Variants in CACNA2D3 observed in about 807,000 individuals in gnomAD.
CACNA2D3 encodes voltage-dependent calcium channel subunit alpha-2/delta-3.
CACNA2D3 carries 60 observed loss-of-function variants against 160.6 expected under a neutral mutation model. That is an observed-to-expected ratio of 0.37 (90% CI 0.30 to 0.46). CACNA2D3 has a LOEUF of 0.46. Among genes scored for constraint, CACNA2D3 ranks in the 20% least tolerant of loss-of-function variants. The pLI is 1.00. For missense variants in CACNA2D3, 1,205 were observed against 1,365.0 expected, an observed-to-expected ratio of 0.88 and a Z score of 1.85; for synonymous variants, 558 against 492.9, an observed-to-expected ratio of 1.13 and a Z score of -1.75.
chr3:55,033,859 ATT>A (rs1272939454), intron 35 of CACNA2D3, among the ~76,000 whole-genome samples: 2 of 111,892 alleles, frequency 1.8e-5, no homozygotes, highest in Non-Finnish European at 3.6e-5. Flanking sequence ...TATTAAATAT[ATT>A]TAATATATAA....
At chr3:54,567,363 T>G (rs1292345341) in intron 6 of CACNA2D3, among the ~76,000 whole-genome samples, 2 of 152,116 alleles carry the variant, frequency 1.3e-5, no homozygotes, top group African/African-American at 4.8e-5. Flanking sequence ...GAGGAAGGAA[T>G]TGGGCAGAAC....
chr3:54,356,049 A>G (rs966189155), intron 3 of CACNA2D3, among the ~76,000 whole-genome samples: 1 of 146,858 alleles, frequency 6.8e-6, no homozygotes, highest in Non-Finnish European at 1.5e-5. Flanking sequence ...ATTTTCTTAC[A>G]AATTGCAGAC....
rs573035681 is a variant in CACNA2D3, at chr3:54,438,867, G to A, written c.381+52093G>A. ...TTAATCTGCCATTTTTACTTTGGTA[G>A]AATATACATTTTGTTTTAGTTTTCT... On this transcript the variant is annotated intron_variant, in intron 4 of 37. Coordinates refer to ENST00000474759, the MANE Select transcript of CACNA2D3 (RefSeq NM_018398.3). Among the ~76,000 whole-genome samples, 21 of 152,292 alleles carry A rather than the reference G, an allele frequency of 1.4e-4. No homozygotes were observed. The South Asian group carries it at 4.4e-3, about 32-fold the overall frequency.
At chr3:54,998,963 G>A (rs986857799) in intron 31 of CACNA2D3, among the ~76,000 whole-genome samples, 8 of 151,976 alleles carry the variant, frequency 5.3e-5, no homozygotes, top group Non-Finnish European at 7.4e-5. Context: ...AGCCAGGATG[G>A]TCTCGATCTC....
intron 4 of CACNA2D3, among the ~76,000 whole-genome samples, chr3:54,479,670 G>A (rs954462834): frequency 6.6e-6 from 1 of 152,108 alleles, no homozygotes; most frequent in Admixed American, 6.5e-5. Flanking sequence ...CTACACATTA[G>A]TCTGTGTGTC....
rs910629997 is a variant in CACNA2D3, at chr3:54,824,763, G to A, written c.1398+7893G>A. Among the ~76,000 whole-genome samples the A allele has an allele frequency of 3.9e-5, 6 of 152,194 alleles. No homozygotes were observed. In the Middle Eastern group the frequency reaches 0.014, roughly 345 times the overall value. On this transcript the variant is annotated intron_variant, in intron 14 of 37. Transcript: ENST00000474759. ...CAGCACCTGCTCAGGGCCCATCCAC[G>A]CCACATGCTCAATGAGGGGTAGTGT...
At chr3:54,943,745 C>A (rs1297786783) in intron 27 of CACNA2D3, among the ~76,000 whole-genome samples, 1 of 152,016 alleles carries the variant, frequency 6.6e-6, no homozygotes, top group Non-Finnish European at 1.5e-5. Flanking sequence ...GGTGAGATCT[C>A]CCTCTCTGTG....
chr3:54,607,427 T>G (rs1698654888), intron 9 of CACNA2D3, among the ~76,000 whole-genome samples: 1 of 152,114 alleles, frequency 6.6e-6, no homozygotes, highest in South Asian at 2.1e-4. Flanking sequence ...GTTCAAGTGA[T>G]TCTCCTGCCG....
chr3:54,286,577 A>C (rs956390700), intron 2 of CACNA2D3, among the ~76,000 whole-genome samples: 1 of 152,188 alleles, frequency 6.6e-6, no homozygotes, highest in African/African-American at 2.4e-5. Flanking sequence ...AAATACAGAG[A>C]ACGCCACAAA....
intron 27 of CACNA2D3, among the ~76,000 whole-genome samples, chr3:54,962,830 A>G (rs1012463493): frequency 6.6e-6 from 1 of 152,232 alleles, no homozygotes; most frequent in African/African-American, 2.4e-5. Context: ...TGTGCCAGGC[A>G]TAGTGAGCAC....
At chr3:54,182,355 T>TAAG (rs749002634) in intron 2 of CACNA2D3, among the ~76,000 whole-genome samples, 3 of 152,232 alleles carry the variant, frequency 2.0e-5, no homozygotes, top group Non-Finnish European at 4.4e-5. Context: ...ATAAATATTG[T>TAAG]CACCCTTTAT....
At chr3:54,620,762 A>G (rs117603905) in intron 9 of CACNA2D3, among the ~76,000 whole-genome samples, 57 of 152,272 alleles carry the variant, frequency 3.7e-4, no homozygotes, top group East Asian at 7.7e-4. Context: ...AAGGGGCCCT[A>G]TTGCACAGGG....
intron 9 of CACNA2D3, among the ~76,000 whole-genome samples, chr3:54,604,377 T>G (rs1282088692): frequency 6.6e-6 from 1 of 152,198 alleles, no homozygotes; most frequent in East Asian, 1.9e-4. Context: ...GCACTCACAC[T>G]GCCAACCCTG....
chr3:54,134,507 A>C (rs1424756464), intron 2 of CACNA2D3, among the ~76,000 whole-genome samples: 2 of 152,198 alleles, frequency 1.3e-5, no homozygotes, highest in Non-Finnish European at 2.9e-5. Flanking sequence ...AGTGATGGAA[A>C]TAAGAGCACC....
chr3:54,139,988 C>T (rs1211148018), intron 2 of CACNA2D3, among the ~76,000 whole-genome samples: 2 of 152,178 alleles, frequency 1.3e-5, no homozygotes, highest in Non-Finnish European at 2.9e-5. Flanking sequence ...CCTGGCTCCA[C>T]CAGTGGCTTA....
chr3:55,056,361 T>C (rs184224479), intron 35 of CACNA2D3, among the ~76,000 whole-genome samples: 1 of 152,212 alleles, frequency 6.6e-6, no homozygotes, highest in Non-Finnish European at 1.5e-5. Context: ...TTGGTGGGAA[T>C]GTAAATTAGT....
chr3:54,767,683 AATG>A (rs980035021), intron 13 of CACNA2D3, among the ~76,000 whole-genome samples: 1 of 152,084 alleles, frequency 6.6e-6, no homozygotes, highest in African/African-American at 2.4e-5. Flanking sequence ...AAATAATAAT[AATG>A]ATGATGACAA....
intron 3 of CACNA2D3, among the ~76,000 whole-genome samples, chr3:54,357,551 C>G (rs1698670782): frequency 6.6e-6 from 1 of 152,140 alleles, no homozygotes; most frequent in African/African-American, 2.4e-5. Flanking sequence ...ACCATATGAT[C>G]CAGCAATTGA....
chr3:54,633,233 T>C (rs1480039795), intron 10 of CACNA2D3, among the ~76,000 whole-genome samples: 1 of 152,204 alleles, frequency 6.6e-6, no homozygotes, highest in Non-Finnish European at 1.5e-5. Context: ...CCTGAATTAC[T>C]GAAAGGCCAT....
Sources: gnomAD v4.1 joint callset for allele counts (sites outside exome capture counted in the v4.1 genomes callset) on GRCh38, gnomAD v4.1.1 for gene constraint, MANE v1.5 for transcripts, NCBI Gene and HGNC (gene_info 2026-07-23, HGNC 2026-07-21) for gene names.